Variants in TCFL5 observed in about 807,000 individuals in gnomAD.
TCFL5 encodes the protein transcription factor-like 5 protein.
A neutral mutation model predicts 44.3 loss-of-function variants in TCFL5; 9 were observed. The ratio of observed to expected loss-of-function variants is 0.20; its 90% CI spans 0.12 to 0.35. The LOEUF is 0.35. Ranked by LOEUF, TCFL5 falls within the 10% of genes least tolerant of loss-of-function variation. The probability of loss-of-function intolerance (pLI) is 1.00; values close to 1 mark genes in which losing one functional copy is unlikely to be tolerated. For synonymous variants in TCFL5, 319 were observed against 271.6 expected (o/e 1.17, Z -1.72); for missense variants, 603 against 613.4 (o/e 0.98, Z 0.18).
chr20:62,846,819 A>G (rs2063750183), intron 5 of TCFL5, among the ~76,000 whole-genome samples: 1 of 152,058 alleles, frequency 6.6e-6, no homozygotes, highest in African/African-American at 2.4e-5. Flanking sequence ...CAACAATAAA[A>G]AAAATTTTCT....
At chr20:62,848,129 T>G (rs1279293667) in intron 5 of TCFL5, among the ~76,000 whole-genome samples, 2 of 152,130 alleles carry the variant, frequency 1.3e-5, no homozygotes, top group Non-Finnish European at 2.9e-5. Flanking sequence ...CAGCAGGGCC[T>G]GACAACAGAC....
At chr20:62,851,961 C>A (rs1406251833) in intron 5 of TCFL5, 2 of 795,176 alleles carry the variant, frequency 2.5e-6, no homozygotes, top group African/African-American at 1.9e-5. Context: ...GGCGCCACCA[C>A]GCCTGGCTAA....
intron 5 of TCFL5, chr20:62,845,108 C>T: frequency 1.0e-6 from 1 of 987,044 alleles, no homozygotes. Context: ...TATAAATATA[C>T]TCATTTTCTT....
In TCFL5 at chr20:62,852,944, T is replaced by C. The variant is rs1183196673; in HGVS notation, c.1380+1072A>G. The C allele has an allele frequency of 1.6e-5, 21 of 1,288,070 alleles. No homozygotes were observed. In the Admixed American group the frequency reaches 3.0e-4, roughly 18 times the overall value. The allele number at this position is 1,288,070 out of a possible 1,614,324, so 79.8% of individuals were successfully genotyped here. ...AGTATATTCACCCAGTCCGCAGAAG[T>C]ATAGTCACCTAGTCCGCAGAAGCAT... On this transcript the variant is annotated intron_variant, in intron 5 of 5. Coordinates refer to ENST00000335351, the MANE Select transcript of TCFL5 (RefSeq NM_006602.4).
chr20:62,858,144 G>A (rs960973055), intron 3 of TCFL5, among the ~76,000 whole-genome samples: 10 of 152,138 alleles, frequency 6.6e-5, no homozygotes, highest in Admixed American at 3.3e-4. Context: ...CTGCAGCAGC[G>A]TGTGTGTGTG....
chr20:62,851,780 G>A (rs2063813430), intron 5 of TCFL5: 1 of 985,386 alleles, frequency 1.0e-6, no homozygotes, highest in East Asian at 1.1e-4. Flanking sequence ...CAGCTGCGGG[G>A]ACCTCTCTCT....
intron 5 of TCFL5, among the ~76,000 whole-genome samples, chr20:62,847,721 G>GT (rs1168633197): frequency 6.6e-6 from 1 of 152,246 alleles, no homozygotes; most frequent in Non-Finnish European, 1.5e-5. Context: ...ATGAAAATCC[G>GT]TATGTAGGCC....
At chr20:62,856,252 CAA>C (rs11473595) in intron 4 of TCFL5, among the ~76,000 whole-genome samples, 1 of 63,832 alleles carries the variant, frequency 1.6e-5, no homozygotes. Flanking sequence ...GACTCCGTCT[CAA>C]AAAAAAAAAA....
intron 3 of TCFL5, among the ~76,000 whole-genome samples, chr20:62,858,558 C>G (rs2063931988): frequency 6.6e-6 from 1 of 152,256 alleles, no homozygotes; most frequent in Non-Finnish European, 1.5e-5. Flanking sequence ...TTCACCAACT[C>G]TTGGAAAGCT....
chr20:62,846,132 A>T lies in TCFL5; in HGVS notation c.1381-4035T>A, dbSNP rs773173533. ...GTGCTTAGAACCTTAAATTGGAAGC[A>T]TTCTTAATTATCCATCTAAATTTAA... On this transcript the variant is annotated intron_variant, in intron 5 of 5. Coordinates refer to ENST00000335351, the MANE Select transcript of TCFL5 (RefSeq NM_006602.4). The T allele has an allele frequency of 1.0e-5, 13 of 1,258,300 alleles. No individual in the cohort carries two copies. The South Asian group carries it at 1.7e-4, about 16-fold the overall frequency. The allele number at this position is 1,258,300 out of a possible 1,614,324, so 77.9% of individuals were successfully genotyped here.
At chr20:62,845,663 C>T in intron 5 of TCFL5, 6 of 1,606,320 alleles carry the variant, frequency 3.7e-6, no homozygotes, top group Non-Finnish European at 5.1e-6. Flanking sequence ...CCCCGCTGAC[C>T]ATGGCAGTAT....
chr20:62,843,494 T>C (rs2063702613), intron 5 of TCFL5, among the ~76,000 whole-genome samples: 1 of 152,208 alleles, frequency 6.6e-6, no homozygotes. Flanking sequence ...TAGAGGGACC[T>C]GGGAGTTCAC....
At position 62,857,377 on chromosome 20, in the gene TCFL5, A is replaced by C; in HGVS notation, c.1238+18T>G. The C allele has an allele frequency of 1.2e-6, 2 of 1,612,478 alleles. No individual in the cohort carries two copies. Among genetic ancestry groups the C allele is most frequent in the Non-Finnish European group, 1.7e-6 (2 of 1,178,810 alleles). The stretch of plus-strand genomic sequence containing the variant: ...TAATCATATATGAGTCAGCCTGACA[A>C]GCAGTCACACGTATTACCTTCTATC... On this transcript the variant is annotated intron_variant, in intron 4 of 5. Transcript: ENST00000335351.
intron 5 of TCFL5, among the ~76,000 whole-genome samples, chr20:62,848,547 G>A (rs1358066208): frequency 6.6e-6 from 1 of 152,158 alleles, no homozygotes; most frequent in East Asian, 1.9e-4. Flanking sequence ...AGACCAGCCT[G>A]GCCAACATGG....
At position 62,857,473 on chromosome 20, in the gene TCFL5, C is replaced by T. The variant is rs2063912033; in HGVS notation, c.1160G>A (p.Gly387Glu). The T allele has an allele frequency of 2.5e-6, 4 of 1,614,236 alleles. No individual in the cohort carries two copies. The highest frequency in any genetic ancestry group is 2.5e-6 in the Non-Finnish European group (3 of 1,180,040). Residue 387 changes from glycine (G) to glutamate (E), a missense_variant, in exon 4 of 6, where the codon GGG becomes GAG. Coordinates refer to ENST00000335351, the MANE Select transcript of TCFL5 (RefSeq NM_006602.4). ...QSSESSQANL[G>E]EQAQSGPQGG... ...CTGGGGCCCACTCTGGGCCTGCTCC[C>T]CCAGGTTTGCCTGTGAGGACTCCGA...
chr20:62,856,540 TA>T (rs1367931526), intron 4 of TCFL5, among the ~76,000 whole-genome samples: 37 of 150,740 alleles, frequency 2.5e-4, no homozygotes, highest in African/African-American at 4.9e-4. Context: ...CCGTCTCTAC[TA>T]AAAAATACAA....
chr20:62,856,289 CAATTAT>C (rs2063889395), intron 4 of TCFL5, among the ~76,000 whole-genome samples: 2 of 149,894 alleles, frequency 1.3e-5, no homozygotes, highest in East Asian at 1.9e-4. Context: ...AAAGAAAACC[CAATTAT>C]AATAGAAAAA....
chr20:62,861,386 C>T lies in TCFL5; in HGVS notation c.285G>A (p.Ala95=), dbSNP rs1300576567. The part of the protein sequence containing the change: ...AGPGAGAGGF[A]AGGQGGAAPV... Reference sequence around the variant, plus strand: ...GCGCCGCGCCCCCCTGACCGCCCGCCGCGAAGCCGCCCGCGCCTGCGCCCG... The same window carrying T: ...GCGCCGCGCCCCCCTGACCGCCCGCTGCGAAGCCGCCCGCGCCTGCGCCCG... The change falls in exon 1 of 6, where the codon GCG becomes GCA. Residue 95 remains alanine (A), a synonymous_variant. Transcript: ENST00000335351. The surrounding 1 kb of genome is among the most constrained non-coding windows in gnomAD (Gnocchi z 4.0). 5 of 1,076,436 alleles carry T rather than the reference C, an allele frequency of 4.6e-6. No individual in the cohort carries two copies. The highest frequency in any genetic ancestry group is 1.7e-5 in the African/African-American group (1 of 58,504). 66.7% of individuals were successfully genotyped at this position (1,076,436 alleles called of 1,614,324 possible). A position where few individuals can be genotyped will look rare whatever the true frequency, so the allele number is the denominator to read the frequency against.
intron 1 of TCFL5, 113 bp from the exon 2 acceptor site, chr20:62,860,421 C>T: frequency 1.1e-6 from 1 of 901,692 alleles, no homozygotes; most frequent in South Asian, 1.7e-5. Flanking sequence ...CAACTCTCAT[C>T]CTGGAAATCT....
Sources: allele counts gnomAD v4.1 joint callset (sites outside exome capture counted in the v4.1 genomes callset), GRCh38; gene constraint gnomAD v4.1.1; non-coding constraint Gnocchi (gnomAD v3.1); transcripts MANE v1.5; gene names NCBI Gene and HGNC (gene_info 2026-07-23, HGNC 2026-07-21).